The following PDCD11 variants were observed in gnomAD, a reference collection of about 807,000 sequenced individuals.
The protein encoded by PDCD11 is programmed cell death 11.
Under a neutral mutation model 198.9 loss-of-function variants are expected in PDCD11, and 97 were observed. The ratio of observed to expected loss-of-function variants is 0.49; its 90% CI spans 0.41 to 0.58. The LOEUF is 0.58. PDCD11 is among the 20% of genes least tolerant of loss of function. PDCD11 has a pLI of 0.00. For synonymous variants in PDCD11, 893 were observed against 918.0 expected (o/e 0.97, Z 0.49); for missense variants, 2,102 against 2,312.7 (o/e 0.91, Z 1.87).
intron 8 of PDCD11, among the ~76,000 whole-genome samples, chr10:103,411,600 C>T (rs2030811931): frequency 6.6e-6 from 1 of 152,012 alleles, no homozygotes; most frequent in South Asian, 2.1e-4. Context: ...CACCTGGGCT[C>T]AAATGATCCT....
At chr10:103,417,709 C>G in intron 13 of PDCD11, 83 bp from the exon 14 acceptor site, 4 of 1,453,032 alleles carry the variant, frequency 2.8e-6, no homozygotes, top group Non-Finnish European at 3.8e-6. Context: ...CCCAAGTCCT[C>G]TGCAGCAGTA....
rs1036587294 is a variant in PDCD11, at chr10:103,425,671, C to T, written c.3305+146C>T. 9 of 695,868 alleles carry T rather than the reference C, an allele frequency of 1.3e-5. No individual in the cohort carries two copies. The African/African-American group carries it at 1.4e-4, about 11-fold the overall frequency. The allele number at this position is 695,868 out of a possible 1,614,324, so 43.1% of individuals were successfully genotyped here. ...AGGCATTCACCAAAGAATTATTTTG[C>T]AAGATTCTTTTTTTTTTCTTTTTTT... On this transcript the variant is annotated intron_variant, in intron 20 of 35. Coordinates refer to ENST00000369797, the MANE Select transcript of PDCD11 (RefSeq NM_014976.2).
chr10:103,406,981 AC>A (rs2030495633), intron 7 of PDCD11, among the ~76,000 whole-genome samples, 191 bp downstream of exon 7: 1 of 152,238 alleles, frequency 6.6e-6, no homozygotes, highest in Non-Finnish European at 1.5e-5. Flanking sequence ...AAAAAACTAT[AC>A]TAAAAAGTCT....
chr10:103,435,047 T>TA, intron 25 of PDCD11, 72 bp downstream of exon 25: 1 of 1,162,548 alleles, frequency 8.6e-7, no homozygotes. Context: ...GTTGTTGTAA[T>TA]ACATGACTTT....
At chr10:103,415,290 G>T (rs2031042953) in intron 12 of PDCD11, 139 bp downstream of exon 12, 1 of 801,752 alleles carries the variant, frequency 1.2e-6, no homozygotes, top group Non-Finnish European at 2.0e-6. Context: ...ATTGGGAAGA[G>T]AAAAGTGAGT....
chr10:103,442,189 C>G, intron 31 of PDCD11, 24 bp from the exon 32 acceptor site: 1 of 1,611,914 alleles, frequency 6.2e-7, no homozygotes, highest in Non-Finnish European at 8.5e-7. Context: ...AGATGACTCA[C>G]GGTGTTTCTG....
chr10:103,426,194 G>A (rs2031687571), intron 20 of PDCD11, among the ~76,000 whole-genome samples: 2 of 152,158 alleles, frequency 1.3e-5, no homozygotes, highest in Non-Finnish European at 2.9e-5. Flanking sequence ...TGGGTTGCTG[G>A]CCTCAGTTAC....
rs1011023910 is a variant in PDCD11, at chr10:103,442,193, G to A, written c.4708-20G>A. The A allele has an allele frequency of 6.2e-7, 1 of 1,612,746 alleles. No individual in the cohort carries two copies. The highest frequency in any genetic ancestry group is 1.7e-4 in the Middle Eastern group (1 of 6,038). On this transcript the variant is annotated intron_variant, in intron 31 of 35. Coordinates refer to ENST00000369797, the MANE Select transcript of PDCD11 (RefSeq NM_014976.2). Reference sequence around the variant, plus strand: ...CCTTGAGGAGCAGATGACTCACGGTGTTTCTGCTTTCCATAGCAGATAAAG... The same window carrying A: ...CCTTGAGGAGCAGATGACTCACGGTATTTCTGCTTTCCATAGCAGATAAAG...
rs777138318 is a variant in PDCD11, at chr10:103,443,195, G to C, written c.4986G>C (p.Val1662=). The C allele has an allele frequency of 2.5e-6, 4 of 1,602,972 alleles. No individual in the cohort carries two copies. The highest frequency in any genetic ancestry group is 3.4e-6 in the Non-Finnish European group (4 of 1,171,984). The change falls in exon 33 of 36, where the codon GTG becomes GTC. Residue 1662 remains valine (V), a synonymous_variant. Transcript: ENST00000369797. ...AGCAGGAGAAGCTGAACGTGTGGGT[G>C]GCTCTGCTGAACCTGGAGAACATGT... ...REEQEKLNVW[V]ALLNLENMYG... is the part of the protein sequence containing the mutation.
intron 2 of PDCD11, among the ~76,000 whole-genome samples, 167 bp downstream of exon 2, chr10:103,398,695 T>C (rs1364664471): frequency 6.6e-6 from 1 of 152,246 alleles, no homozygotes; most frequent in Non-Finnish European, 1.5e-5. Context: ...CACAAGGCTG[T>C]ATCTTTTGAA....
At chr10:103,407,432 G>A (rs1222201445) in intron 7 of PDCD11, among the ~76,000 whole-genome samples, 1 of 152,042 alleles carries the variant, frequency 6.6e-6, no homozygotes, top group African/African-American at 2.4e-5. Flanking sequence ...GTGTGGTGGC[G>A]GGTACCTGTA....
At chr10:103,444,219 G>A (rs2032506834) in intron 34 of PDCD11, 151 bp downstream of exon 34, 1 of 685,132 alleles carries the variant, frequency 1.5e-6, no homozygotes, top group East Asian at 2.7e-5. Flanking sequence ...GCATAACAGT[G>A]CATGTTAAAT....
At position 103,427,390 on chromosome 10, in the gene PDCD11, A is replaced by G. The variant is rs2031743077; in HGVS notation, c.3367A>G (p.Ser1123Gly). 2 of 1,610,940 alleles carry G rather than the reference A, an allele frequency of 1.2e-6. No individual in the cohort carries two copies. The highest frequency in any genetic ancestry group is 1.7e-6 in the Non-Finnish European group (2 of 1,178,298). ...RTIPELSVRP[S>G]ELEDGHTALN... ...CATCCCGGAGCTGAGTGTTCGGCCA[A>G]GGTGAGGGGGACATTAGCAGCACTG... The change falls in exon 21 of 36, where the codon AGT becomes GGT. Residue 1123 changes from serine (S) to glycine (G), a missense_variant and splice_region_variant. Transcript: ENST00000369797.
In PDCD11 at chr10:103,444,510, C is replaced by T. The variant is rs1428123347; in HGVS notation, c.5279-7C>T. ...TGTTGGGTCTCTGAGCAGTCCTCTC[C>T]CTGCAGATGTGGATGTCATTGCCAA... On this transcript the variant is annotated splice_polypyrimidine_tract_variant and splice_region_variant and intron_variant, in intron 34 of 35. Transcript: ENST00000369797. The T allele has an allele frequency of 1.9e-6, 3 of 1,613,902 alleles. No individual in the cohort carries two copies. The highest frequency in any genetic ancestry group is 1.3e-5 in the African/African-American group (1 of 75,028).
At chr10:103,435,105 C>T in intron 25 of PDCD11, 130 bp downstream of exon 25, 1 of 583,112 alleles carries the variant, frequency 1.7e-6, no homozygotes, top group Non-Finnish European at 2.7e-6. Context: ...ATTTCTGTAA[C>T]CCCTCTGTTT....
chr10:103,424,865 G>T, intron 19 of PDCD11, 119 bp from the exon 20 acceptor site: 1 of 1,123,900 alleles, frequency 8.9e-7, no homozygotes. Context: ...GACCAGCCTT[G>T]AGTTCCCTAG....
intron 33 of PDCD11, among the ~76,000 whole-genome samples, 155 bp from the exon 34 acceptor site, chr10:103,443,760 T>A (rs1355640973): frequency 6.6e-6 from 1 of 152,106 alleles, no homozygotes; most frequent in Non-Finnish European, 1.5e-5. Flanking sequence ...TCTGTGAGCC[T>A]CCCTCCCGCT....
At chr10:103,432,398 G>A (rs2031973997) in intron 22 of PDCD11, among the ~76,000 whole-genome samples, 164 bp downstream of exon 22, 2 of 152,214 alleles carry the variant, frequency 1.3e-5, no homozygotes, top group Non-Finnish European at 2.9e-5. Flanking sequence ...AGAACTTCTG[G>A]TCTAATTAGG....
chr10:103,405,409 C>CTTTTT, intron 5 of PDCD11: 1 of 291,204 alleles, frequency 3.4e-6, no homozygotes, highest in Non-Finnish European at 6.4e-6. Context: ...GTCCAAATTT[C>CTTTTT]TTTTTTTTTT....
Sources: gnomAD v4.1 joint callset for allele counts (sites outside exome capture counted in the v4.1 genomes callset) on GRCh38, gnomAD v4.1.1 for gene constraint, MANE v1.5 for transcripts, NCBI Gene and HGNC (gene_info 2026-07-23, HGNC 2026-07-21) for gene names.